Variants in PTGER3 observed in about 807,000 individuals in gnomAD.
The protein encoded by PTGER3 is prostaglandin E2 receptor EP3 subtype.
A neutral mutation model predicts 34.7 loss-of-function variants in PTGER3; 22 were observed. That is an observed-to-expected ratio of 0.63 (90% confidence interval 0.45 to 0.91). The LOEUF (loss-of-function observed/expected upper bound fraction) is 0.91, where lower values mean the gene tolerates loss of function less well. Among genes scored for constraint, PTGER3 ranks in the 40% least tolerant of loss-of-function variants. The probability of loss-of-function intolerance (pLI) is 0.00; values close to 1 mark genes in which losing one functional copy is unlikely to be tolerated. For synonymous variants in PTGER3, 241 were observed against 230.1 expected (o/e 1.05, Z -0.43); for missense variants, 468 against 519.4 (o/e 0.90, Z 0.96).
At chr1:70,905,669 T>A (rs1378736739) in intron 4 of PTGER3, among the ~76,000 whole-genome samples, 1 of 152,166 alleles carries the variant, frequency 6.6e-6, no homozygotes, top group African/African-American at 2.4e-5. Flanking sequence ...CCAACGCCTG[T>A]ACCCTCATTG....
chr1:70,939,415 C>G (rs1649549259), intron 4 of PTGER3, among the ~76,000 whole-genome samples: 2 of 152,198 alleles, frequency 1.3e-5, no homozygotes, highest in South Asian at 4.1e-4. Context: ...GAAGGTGGCC[C>G]TCTTCTTACA....
chr1:70,990,019 A>T (rs1478284373), intron 2 of PTGER3, among the ~76,000 whole-genome samples: 2 of 152,110 alleles, frequency 1.3e-5, no homozygotes, highest in Non-Finnish European at 2.9e-5. Flanking sequence ...TCTGGGCATG[A>T]TATACAATAC....
downstream of PTGER3, chr1:70,970,772 C>A: frequency 3.0e-6 from 2 of 658,738 alleles, no homozygotes; most frequent in African/African-American, 2.0e-5. Flanking sequence ...TATTAGATGA[C>A]TCAAGTATAT....
chr1:71,032,207 G>A (rs895568840), intron 1 of PTGER3, among the ~76,000 whole-genome samples: 35 of 152,086 alleles, frequency 2.3e-4, no homozygotes, highest in African/African-American at 7.7e-4. Flanking sequence ...TGGAGTATTC[G>A]TGAGATTTTC....
intron 2 of PTGER3, among the ~76,000 whole-genome samples, chr1:70,989,283 C>T (rs11209729): frequency 5.1e-4 from 78 of 152,230 alleles, no homozygotes; most frequent in African/African-American, 1.7e-3. Flanking sequence ...CCATTTTCTA[C>T]GCAGGGAAGT....
intron 2 of PTGER3, among the ~76,000 whole-genome samples, chr1:70,999,798 C>A (rs546513202): frequency 6.6e-6 from 1 of 152,326 alleles, no homozygotes; most frequent in South Asian, 2.1e-4. Flanking sequence ...TTGTGATAAA[C>A]TCTTGGCTTT....
chr1:70,906,068 C>A (rs1437293229), intron 4 of PTGER3, among the ~76,000 whole-genome samples: 1 of 152,118 alleles, frequency 6.6e-6, no homozygotes, highest in Non-Finnish European at 1.5e-5. Flanking sequence ...TGTACAAGCT[C>A]TCTCTTTGCC....
chr1:70,905,276 G>T lies in PTGER3; in HGVS notation c.*23+48487C>A, dbSNP rs143525842. On this transcript the variant is annotated intron_variant, in intron 4 of 4. Coordinates refer to the PTGER3 transcript ENST00000370931. ...ACCTTCTGCAGTGCAGAAGGGAAAC[G>T]TGGGGTCAGAGCACCCACACAGTGT... 1.7e-3 allele frequency among the ~76,000 whole-genome samples: 265 copies of T among 152,218 alleles called. 1 individual carries two copies. The highest frequency in any genetic ancestry group is 5.8e-3 in the African/African-American group (243 of 41,542).
At chr1:71,044,305 C>T (rs1174710256) in intron 1 of PTGER3, among the ~76,000 whole-genome samples, 1 of 150,944 alleles carries the variant, frequency 6.6e-6, no homozygotes, top group Non-Finnish European at 1.5e-5. Flanking sequence ...GGTGTGGTGG[C>T]GGGCGCCTGT....
chr1:70,978,370 A>T (rs1653911685), intron 2 of PTGER3, among the ~76,000 whole-genome samples: 1 of 152,208 alleles, frequency 6.6e-6, no homozygotes, highest in Non-Finnish European at 1.5e-5. Flanking sequence ...TGAACACATT[A>T]TTCTAATAAG....
intron 4 of PTGER3, among the ~76,000 whole-genome samples, chr1:70,928,528 G>T (rs1175478314): frequency 6.8e-6 from 1 of 148,098 alleles, no homozygotes; most frequent in Non-Finnish European, 1.5e-5. Context: ...AGCTACTCAG[G>T]GGACTAAGGT....
chr1:70,859,470 A>G (rs1231249764), intron 4 of PTGER3, among the ~76,000 whole-genome samples: 2 of 152,032 alleles, frequency 1.3e-5, no homozygotes, highest in African/African-American at 2.4e-5. Flanking sequence ...GTGTTTATCA[A>G]CTTCATGAAG....
rs190996307 is a variant in PTGER3 at position 70,924,516 on chromosome 1, C to A, written c.*23+29247G>T. ...CAAGAGGGATGGGTAATGTAAAAATCTGTATGAGTATTCTAATTGTGGGCA... is the reference window on the plus strand; with the variant it reads ...CAAGAGGGATGGGTAATGTAAAAATATGTATGAGTATTCTAATTGTGGGCA... On this transcript the variant is annotated intron_variant, in intron 4 of 4. Coordinates refer to the PTGER3 transcript ENST00000370931. Among the ~76,000 whole-genome samples, 7 of 152,262 alleles carry A rather than the reference C, an allele frequency of 4.6e-5. No individual in the cohort carries two copies. The East Asian group carries it at 1.4e-3, about 29-fold the overall frequency.
At chr1:70,920,167 G>A (rs534369431) in intron 4 of PTGER3, among the ~76,000 whole-genome samples, 121 of 152,256 alleles carry the variant, frequency 7.9e-4, no homozygotes, top group Non-Finnish European at 1.4e-3. Flanking sequence ...GTGACAAGGT[G>A]AAATGAAGAA....
At chr1:70,968,639 G>T (rs913356693), downstream of PTGER3, among the ~76,000 whole-genome samples, 1 of 151,710 alleles carries the variant, frequency 6.6e-6, no homozygotes, top group Non-Finnish European at 1.5e-5. Context: ...TGTCTAGATT[G>T]TAAACAAAAA....
At chr1:70,924,758 A>G (rs937529211) in intron 4 of PTGER3, among the ~76,000 whole-genome samples, 4 of 152,230 alleles carry the variant, frequency 2.6e-5, no homozygotes, top group South Asian at 2.1e-4. Flanking sequence ...TGCTCTGTCT[A>G]TGGAGTAGCC....
chr1:70,896,690 T>G (rs1383344408), intron 4 of PTGER3, among the ~76,000 whole-genome samples: 1 of 152,212 alleles, frequency 6.6e-6, no homozygotes, highest in Non-Finnish European at 1.5e-5. Flanking sequence ...TCACAGAGTC[T>G]GAAAACCCTT....
intron 2 of PTGER3, chr1:71,002,188 G>A (rs934586071): frequency 6.6e-6 from 1 of 152,158 alleles, no homozygotes; most frequent in Non-Finnish European, 1.5e-5. Context: ...ACTTAAGCCA[G>A]GAGGCTGAGG....
At chr1:71,024,163 T>G (rs6670515) in intron 1 of PTGER3, among the ~76,000 whole-genome samples, 135,234 of 152,078 alleles carry the variant, frequency 0.89, 60,158 homozygotes, top group East Asian at 0.96. Context: ...ATTCCAATTA[T>G]CTTGAACTTC....
Sources: allele counts gnomAD v4.1 joint callset (sites outside exome capture counted in the v4.1 genomes callset), GRCh38; gene constraint gnomAD v4.1.1; transcripts MANE v1.5; gene names NCBI Gene and HGNC (gene_info 2026-07-23, HGNC 2026-07-21).